Variants in RBFOX1 observed in about 807,000 individuals in gnomAD.
RBFOX1 encodes RNA binding protein fox-1 homolog 1.
In RBFOX1, 8 loss-of-function variants were observed where a neutral mutation model predicts 57.7. That is an observed-to-expected ratio of 0.14 (90% CI 0.08 to 0.25). The LOEUF (loss-of-function observed/expected upper bound fraction) is 0.25. RBFOX1 is among the 10% of genes least tolerant of loss of function. RBFOX1 has a pLI of 1.00. For missense variants in RBFOX1, 611 were observed against 548.5 expected, an observed-to-expected ratio of 1.11 and a Z score of -1.14; for synonymous variants, 326 against 222.4, an observed-to-expected ratio of 1.47 and a Z score of -4.15.
intron 4 of RBFOX1, among the ~76,000 whole-genome samples, chr16:7,227,531 G>A (rs1261245099): frequency 6.6e-6 from 1 of 152,170 alleles, no homozygotes; most frequent in African/African-American, 2.4e-5. Context: ...CTCTTCAGAC[G>A]CAGTGGTTTC....
At chr16:7,066,497 G>T (rs533659703) in intron 4 of RBFOX1, among the ~76,000 whole-genome samples, 9 of 152,204 alleles carry the variant, frequency 5.9e-5, no homozygotes, top group Admixed American at 1.3e-4. Context: ...CCCCTGGTTA[G>T]TTAGAAATTT....
chr16:6,438,799 A>G (rs1340842013), intron 2 of RBFOX1, among the ~76,000 whole-genome samples: 1 of 151,280 alleles, frequency 6.6e-6, no homozygotes, highest in Non-Finnish European at 1.5e-5. Context: ...CTACTAGGAC[A>G]TTATGCATGA....
intron 5 of RBFOX1, among the ~76,000 whole-genome samples, chr16:7,525,608 C>T (rs1218039585): frequency 6.6e-6 from 1 of 152,142 alleles, no homozygotes; most frequent in Non-Finnish European, 1.5e-5. Context: ...GGCTCATGTC[C>T]CTGCGGACTC....
chr16:5,809,846 A>C (rs2151773800), intron 3 of RBFOX1, among the ~76,000 whole-genome samples: 1 of 152,258 alleles, frequency 6.6e-6, no homozygotes, highest in South Asian at 2.1e-4. Context: ...AAGGACTATA[A>C]ATCACGCTGC....
chr16:5,321,654 G>C (rs2064411613), intron 1 of RBFOX1, among the ~76,000 whole-genome samples: 1 of 152,100 alleles, frequency 6.6e-6, no homozygotes, highest in African/African-American at 2.4e-5. Flanking sequence ...GTTCTGGGTG[G>C]GTGATTCTGC....
rs147094370 is a variant in RBFOX1 at position 6,635,419 on chromosome 16, T to A, written c.-63-19184T>A. On this transcript the variant is annotated intron_variant, in intron 2 of 15. Coordinates refer to ENST00000550418, the MANE Select transcript of RBFOX1 (RefSeq NM_018723.4). ...CCTTATCCATGCAGGACCAAAGACT[T>A]GGTGCCACAAGGAACAGTCAAATCT... Among the ~76,000 whole-genome samples, 507 of 152,164 alleles carry A rather than the reference T, an allele frequency of 3.3e-3. 7 individuals carry two copies. Among genetic ancestry groups the A allele is most frequent in the African/African-American group, 0.011 (473 of 41,530 alleles).
At chr16:7,168,030 C>G (rs556783383) in intron 4 of RBFOX1, among the ~76,000 whole-genome samples, 1 of 152,078 alleles carries the variant, frequency 6.6e-6, no homozygotes, top group African/African-American at 2.4e-5. Context: ...TTTTATGAAG[C>G]AGGTTTTTTC....
intron 4 of RBFOX1, among the ~76,000 whole-genome samples, chr16:7,080,293 T>C (rs750737864): frequency 6.6e-6 from 1 of 152,232 alleles, no homozygotes; most frequent in South Asian, 2.1e-4. Context: ...TCTCAGCAGA[T>C]AGCTGAACAC....
intron 1 of RBFOX1, among the ~76,000 whole-genome samples, chr16:5,410,686 C>A (rs898313627): frequency 6.6e-6 from 1 of 152,314 alleles, no homozygotes; most frequent in South Asian, 2.1e-4. Flanking sequence ...CAAACAAAAT[C>A]TATATATGGA....
intron 1 of RBFOX1, among the ~76,000 whole-genome samples, chr16:5,400,701 C>G (rs1030868118): frequency 3.3e-5 from 5 of 151,384 alleles, no homozygotes; most frequent in African/African-American, 1.2e-4. Context: ...GCTGTGTAAA[C>G]TTTTGAAGGA....
chr16:7,712,723 G>A lies in RBFOX1; in HGVS notation c.*1978G>A, dbSNP rs1255244200. ...GTGTTATGGCAATGGGTGCCTGGTT[G>A]ATGTTCTTAAAGGAAACGAATTATT... On this transcript the variant is annotated 3_prime_UTR_variant, in exon 16 of 16. Coordinates refer to ENST00000550418, the MANE Select transcript of RBFOX1 (RefSeq NM_018723.4). The A allele has an allele frequency of 6.6e-6, 1 of 152,192 alleles. No homozygotes were observed. The highest frequency in any genetic ancestry group is 1.9e-4 in the East Asian group (1 of 5,194). The allele number at this position is 152,192 out of a possible 1,614,324, so 9.4% of individuals were successfully genotyped here.
intron 4 of RBFOX1, among the ~76,000 whole-genome samples, chr16:7,454,761 C>T (rs1176294072): frequency 3.0e-4 from 45 of 152,198 alleles, no homozygotes; most frequent in Admixed American, 2.9e-3. Flanking sequence ...TGAACATGTG[C>T]AATTGCCCAT....
intron 4 of RBFOX1, among the ~76,000 whole-genome samples, chr16:7,278,486 C>G (rs555348024): frequency 6.6e-6 from 1 of 152,190 alleles, no homozygotes; most frequent in Admixed American, 6.5e-5. Flanking sequence ...TCATACAGAT[C>G]TGTCCAATAT....
chr16:5,974,996 G>A (rs1468830805), intron 4 of RBFOX1, among the ~76,000 whole-genome samples: 6 of 152,204 alleles, frequency 3.9e-5, no homozygotes, highest in South Asian at 2.1e-4. Context: ...CAACAAGAGC[G>A]AAACTCCGTC....
intron 4 of RBFOX1, among the ~76,000 whole-genome samples, chr16:5,986,637 A>T (rs1307559864): frequency 1.3e-5 from 2 of 152,216 alleles, no homozygotes; most frequent in Non-Finnish European, 2.9e-5. Flanking sequence ...ATCACATAGT[A>T]GGCAGTCTTT....
At chr16:5,496,719 C>T (rs2043014527) in intron 2 of RBFOX1, among the ~76,000 whole-genome samples, 1 of 152,156 alleles carries the variant, frequency 6.6e-6, no homozygotes, top group African/African-American at 2.4e-5. Context: ...CCCTGCATTT[C>T]CAGAGAGCTT....
intron 1 of RBFOX1, among the ~76,000 whole-genome samples, chr16:6,178,177 C>CT (rs34382826): frequency 0.015 from 1,020 of 69,644 alleles, 131 homozygotes; most frequent in Middle Eastern, 0.029. Flanking sequence ...AAAGGTCACT[C>CT]TTTTTTTTTT....
chr16:7,613,449 T>G (rs2057906985), intron 10 of RBFOX1, among the ~76,000 whole-genome samples: 1 of 152,194 alleles, frequency 6.6e-6, no homozygotes, highest in African/African-American at 2.4e-5. Flanking sequence ...TCACCTCGAC[T>G]GATTATATCC....
chr16:7,046,135 C>T (rs1052995831), intron 3 of RBFOX1, among the ~76,000 whole-genome samples: 4 of 152,014 alleles, frequency 2.6e-5, no homozygotes, highest in Non-Finnish European at 5.9e-5. Flanking sequence ...AAGCATTGCC[C>T]TCAGTCTTTA....
Sources: gnomAD v4.1 joint callset for allele counts (sites outside exome capture counted in the v4.1 genomes callset) on GRCh38, gnomAD v4.1.1 for gene constraint, MANE v1.5 for transcripts, NCBI Gene and HGNC (gene_info 2026-07-23, HGNC 2026-07-21) for gene names.